Variants in PCDH10 observed in about 807,000 individuals in gnomAD.
PCDH10 encodes the protein protocadherin-10.
A neutral mutation model predicts 74.4 loss-of-function variants in PCDH10; 15 were observed. The observed-to-expected ratio is 0.20, with a 90% confidence interval of 0.13 to 0.31. The LOEUF is 0.31. PCDH10 is among the 10% of genes least tolerant of loss of function. The pLI, the probability that PCDH10 is intolerant of heterozygous loss-of-function variation, is 1.00. For missense variants in PCDH10, 1,260 were observed against 1,390.2 expected (o/e 0.91, Z 1.49); for synonymous variants, 619 against 589.8 (o/e 1.05, Z -0.72).
chr4:133,202,957 G>T (rs766941221), intron 2 of PCDH10, among the ~76,000 whole-genome samples: 1 of 152,160 alleles, frequency 6.6e-6, no homozygotes, highest in Non-Finnish European at 1.5e-5. Flanking sequence ...GTCTTTCAGG[G>T]AGAGTATATT....
At position 133,191,594 on chromosome 4, in the gene PCDH10, A is replaced by G. The variant is rs948012022; in HGVS notation, c.*1434A>G. 1 of 152,190 alleles carries G rather than the reference A, an allele frequency of 6.6e-6. No individual in the cohort carries two copies. Among genetic ancestry groups the G allele is most frequent in the East Asian group, 1.9e-4 (1 of 5,170 alleles). The allele number at this position is 152,190 out of a possible 1,614,324, so 9.4% of individuals were successfully genotyped here. A position where few individuals can be genotyped will look rare whatever the true frequency, so the allele number is the denominator to read the frequency against. On this transcript the variant is annotated 3_prime_UTR_variant, in exon 5 of 5. Coordinates refer to ENST00000264360, the MANE Select transcript of PCDH10 (RefSeq NM_032961.3). ...TAAGACGCACTTTCCTTTCTTTTAT[A>G]TATTTTTTCTACTGTTGTGTATGCC...
At chr4:133,188,202 A>C (rs2125873029) in intron 4 of PCDH10, among the ~76,000 whole-genome samples, 1 of 152,278 alleles carries the variant, frequency 6.6e-6, no homozygotes, top group East Asian at 1.9e-4. Context: ...TTTTGTAATT[A>C]ATAATAGTGT....
At chr4:133,196,283 G>A (rs567841292), downstream of PCDH10, among the ~76,000 whole-genome samples, 25 of 152,222 alleles carry the variant, frequency 1.6e-4, no homozygotes, top group African/African-American at 5.5e-4. Context: ...AGTTTTTAAG[G>A]ATGATTTGGT....
Position 133,151,917 on chromosome 4 carries a change from T to C in PCDH10, c.1777T>C (p.Ser593Pro), listed in dbSNP as rs745315343. Residue 593 changes from serine (S) to proline (P), a missense_variant, in exon 1 of 5, where the codon TCG (serine) becomes CCG (proline). By Grantham distance (74) the Ser-to-Pro change is moderately conservative (BLOSUM62 -1). Coordinates refer to ENST00000264360, the MANE Select transcript of PCDH10 (RefSeq NM_032961.3). ...GTPAREVLPR[S>P]AEPGYLLTRV... is the part of the protein sequence containing the mutation. The stretch of plus-strand genomic sequence containing the variant: ...TCCAGCGCGTGAGGTGCTGCCCCGC[T>C]CGGCGGAGCCGGGTTACCTGCTCAC... 2 of 1,612,318 alleles carry C rather than the reference T, an allele frequency of 1.2e-6. No individual in the cohort carries two copies. The highest frequency in any genetic ancestry group is 1.7e-5 in the Admixed American group (1 of 59,970).
Position 133,150,681 on chromosome 4 carries a change from G to C in PCDH10, c.541G>C (p.Ala181Pro), listed in dbSNP as rs1726647566. Residue 181 changes from alanine to proline, a missense_variant, in exon 1 of 5, where the codon GCT becomes CCT. Physicochemically the swap from Ala to Pro is conservative, Grantham distance 27. Transcript: ENST00000264360. ...GACCCAGGGGGATGGCAACCGATTC[G>C]CTGAGCTGGTGCTGGAGAAGCCACT... Reference protein sequence around the residue: ...VQTQGDGNRFAELVLEKPLDR... With the variant: ...VQTQGDGNRFPELVLEKPLDR... The C allele has an allele frequency of 1.2e-6, 2 of 1,612,980 alleles. No individual in the cohort carries two copies. The highest frequency in any genetic ancestry group is 1.7e-6 in the Non-Finnish European group (2 of 1,179,936).
Position 133,152,714 on chromosome 4 carries a change from C to T in PCDH10, c.2574C>T (p.Thr858=), listed in dbSNP as rs768439091. The change falls in exon 1 of 5, where the codon ACC becomes ACT. Residue 858 remains threonine (T), a synonymous_variant. Coordinates refer to ENST00000264360, the MANE Select transcript of PCDH10 (RefSeq NM_032961.3). ...ACAACCCCTGCGGGGCCATCGTCAC[C>T]GGTTACACCGACCAGCAGCCTGATA... ...TEHNPCGAIV[T]GYTDQQPDII... The T allele has an allele frequency of 3.1e-6, 5 of 1,614,098 alleles. No individual in the cohort carries two copies. Among genetic ancestry groups the T allele is most frequent in the Non-Finnish European group, 4.2e-6 (5 of 1,180,054 alleles).
Position 133,152,306 on chromosome 4 carries a change from G to A in PCDH10, c.2166G>A (p.Leu722=). 1 of 1,614,170 alleles carries A rather than the reference G, an allele frequency of 6.2e-7. No homozygotes were observed. Residue 722 remains leucine, a synonymous_variant, in exon 1 of 5, where the codon TTG becomes TTA. Transcript: ENST00000264360. ...TCACCCTCATCCTCATCATCGCGTT[G>A]GGCTCGGTGTCCTTCATCTTCCTGC... is the stretch of plus-strand genomic sequence containing the variant. ...LDLTLILIIA[L]GSVSFIFLLA...
intron 2 of PCDH10, among the ~76,000 whole-genome samples, chr4:133,202,676 C>T (rs552071232): frequency 9.9e-4 from 151 of 152,202 alleles, no homozygotes; most frequent in Non-Finnish European, 1.8e-3. Flanking sequence ...CATTTCCTGT[C>T]CTGGACTTTT....
chr4:133,165,299 TG>T (rs1423479738), intron 4 of PCDH10, among the ~76,000 whole-genome samples: 6 of 109,192 alleles, frequency 5.5e-5, no homozygotes, highest in Admixed American at 2.1e-4. Flanking sequence ...ATGTCTAGAC[TG>T]GTTTTTTTTT....
At position 133,150,258 on chromosome 4, in the gene PCDH10, G is replaced by A. The variant is rs1726629327; in HGVS notation, c.118G>A (p.Asp40Asn). The change falls in exon 1 of 5, where the codon GAT becomes AAT. Residue 40 changes from aspartate (D) to asparagine (N), a missense_variant. Physicochemically the swap from Asp to Asn is conservative, Grantham distance 23. Coordinates refer to ENST00000264360, the MANE Select transcript of PCDH10 (RefSeq NM_032961.3). ...CACTTTCGTGGGGAATATCGCTGAA[G>A]ATCTGGGTCTGGACATTACAAAACT... ...HGTFVGNIAE[D>N]LGLDITKLSA... is the part of the protein sequence containing the mutation. 2.5e-6 allele frequency: 4 copies of A among 1,613,932 alleles called. No individual in the cohort carries two copies. Among genetic ancestry groups the A allele is most frequent in the Non-Finnish European group, 3.4e-6 (4 of 1,180,018 alleles).
chr4:133,164,159 A>G (rs1449691418), intron 4 of PCDH10: 11 of 337,682 alleles, frequency 3.3e-5, no homozygotes, highest in Non-Finnish European at 6.3e-5. Context: ...GAACCAAAAA[A>G]TCATTTGTTT....
At chr4:133,175,617 A>G (rs1463987415) in intron 4 of PCDH10, among the ~76,000 whole-genome samples, 1 of 152,164 alleles carries the variant, frequency 6.6e-6, no homozygotes, top group Non-Finnish European at 1.5e-5. Flanking sequence ...TAAAAATACT[A>G]TCAGAACTCT....
downstream of PCDH10, among the ~76,000 whole-genome samples, chr4:133,195,045 T>C (rs1404942603): frequency 6.6e-6 from 1 of 152,064 alleles, no homozygotes; most frequent in Non-Finnish European, 1.5e-5. Context: ...AAACACAGCA[T>C]TTCATATTTA....
chr4:133,177,899 A>G (rs1203095158), intron 4 of PCDH10, among the ~76,000 whole-genome samples: 1 of 152,102 alleles, frequency 6.6e-6, no homozygotes, highest in East Asian at 1.9e-4. Flanking sequence ...GACTCCTTAC[A>G]GTGTAATCAA....
chr4:133,150,095 TG>T lies in PCDH10; in HGVS notation c.-43del, dbSNP rs773949740. 26 of 1,460,544 alleles carry T rather than the reference TG, an allele frequency of 1.8e-5. No homozygotes were observed. Among genetic ancestry groups the T allele is most frequent in the Non-Finnish European group, 2.4e-5 (26 of 1,103,552 alleles). The allele number at this position is 1,460,544 out of a possible 1,614,324, so 90.5% of individuals were successfully genotyped here. The stretch of plus-strand genomic sequence containing the variant: ...GTTTCGTGGTGGTGGGGGAGGTGAT[TG>T]GGTGGCTGACTGGCTGCGGGAAGCT... On this transcript the variant is annotated 5_prime_UTR_variant, in exon 1 of 5. Coordinates refer to ENST00000264360, the MANE Select transcript of PCDH10 (RefSeq NM_032961.3).
Position 133,151,443 on chromosome 4 carries a change from G to T in PCDH10, c.1303G>T (p.Ala435Ser). 4 of 1,613,852 alleles carry T rather than the reference G, an allele frequency of 2.5e-6. No homozygotes were observed. Among genetic ancestry groups the T allele is most frequent in the Non-Finnish European group, 2.5e-6 (3 of 1,180,010 alleles). Reference sequence around the variant, plus strand: ...GGACTCCTACACCCTGACTGTAGTGGCTCGGGACCGGGGCGAGCCTGCGCT... The same window carrying T: ...GGACTCCTACACCCTGACTGTAGTGTCTCGGGACCGGGGCGAGCCTGCGCT... ...AGDSYTLTVVARDRGEPALST... is the reference protein window; with the variant it reads ...AGDSYTLTVVSRDRGEPALST... The change falls in exon 1 of 5, where the codon GCT becomes TCT. Residue 435 changes from alanine (A) to serine (S), a missense_variant. By Grantham distance (99) the Ala-to-Ser change is moderately conservative. Transcript: ENST00000264360.
At chr4:133,153,674 T>G in intron 1 of PCDH10, 1 of 67,608 alleles carries the variant, frequency 1.5e-5, no homozygotes, top group African/African-American at 6.2e-5. Flanking sequence ...GGTGTGTGGG[T>G]GGTAGAGGTG....
In PCDH10 at chr4:133,162,996, T is replaced by A; in HGVS notation, c.2817T>A (p.Asn939Lys). 1 of 1,612,374 alleles carries A rather than the reference T, an allele frequency of 6.2e-7. No homozygotes were observed. Among genetic ancestry groups the A allele is most frequent in the Non-Finnish European group, 8.5e-7 (1 of 1,178,666 alleles). Residue 939 changes from asparagine (N) to lysine (K), a missense_variant, in exon 4 of 5, where the codon AAT (asparagine) becomes AAA (lysine). By Grantham distance (94) the Asn-to-Lys change is moderately conservative. Around this residue, in one of 11 missense-constraint regions of PCDH10, gnomAD observed 136 missense variants for 149.3 expected, o/e 0.91. Transcript: ENST00000264360. ...AQSAGMDLFS[N>K]CTEECKALGH... ...TTACAGGTATGGATCTCTTCTCCAA[T>A]TGCACTGAGGAATGTAAAGCTCTGG...
intron 2 of PCDH10, among the ~76,000 whole-genome samples, chr4:133,202,100 A>T (rs1461502193): frequency 6.6e-6 from 1 of 152,104 alleles, no homozygotes; most frequent in Non-Finnish European, 1.5e-5. Context: ...ATGCAGTGGA[A>T]GAAACTCCCT....
Sources: allele counts gnomAD v4.1 joint callset (sites outside exome capture counted in the v4.1 genomes callset), GRCh38; gene constraint gnomAD v4.1.1; regional missense constraint gnomAD v4.1.1; transcripts MANE v1.5; gene names NCBI Gene and HGNC (gene_info 2026-07-23, HGNC 2026-07-21).